The following RIPOR2 variants were observed in gnomAD, a reference collection of about 807,000 sequenced individuals.
RIPOR2 encodes the protein rho family-interacting cell polarization regulator 2.
A neutral mutation model predicts 114.5 loss-of-function variants in RIPOR2; 39 were observed. The observed-to-expected ratio is 0.34, with a 90% CI of 0.26 to 0.44. The LOEUF is 0.44. Among genes scored for constraint, RIPOR2 ranks in the 20% least tolerant of loss-of-function variants. RIPOR2 has a pLI of 1.00. For synonymous variants in RIPOR2, 445 were observed against 484.4 expected, an observed-to-expected ratio of 0.92 and a Z score of 1.07; for missense variants, 1,007 against 1,255.1, an observed-to-expected ratio of 0.80 and a Z score of 2.99.
chr6:24,920,345 T>C (rs750990228), intron 1 of RIPOR2, among the ~76,000 whole-genome samples: 3 of 152,222 alleles, frequency 2.0e-5, no homozygotes, highest in Non-Finnish European at 4.4e-5. Context: ...CAGGAGAGCA[T>C]GTGAAGATAA....
intron 1 of RIPOR2, among the ~76,000 whole-genome samples, chr6:25,040,373 C>T (rs1422877228): frequency 6.6e-6 from 1 of 152,078 alleles, no homozygotes; most frequent in Non-Finnish European, 1.5e-5. Flanking sequence ...AACTCGGCCT[C>T]CCAAAGTGTT....
chr6:25,005,186 T>A (rs574154035), intron 1 of RIPOR2, among the ~76,000 whole-genome samples: 2 of 152,330 alleles, frequency 1.3e-5, no homozygotes, highest in East Asian at 3.9e-4. Context: ...TGGCTACTCC[T>A]GCAGTAACAC....
intron 1 of RIPOR2, among the ~76,000 whole-genome samples, chr6:24,876,734 C>A (rs999309774): frequency 6.6e-6 from 1 of 152,028 alleles, no homozygotes; most frequent in Non-Finnish European, 1.5e-5. Context: ...CAAGGGCGGT[C>A]GGGGGGAAGG....
intron 1 of RIPOR2, chr6:25,015,895 GGTTTTTTTTTTTTT>G (rs1775960889): frequency 6.1e-5 from 1 of 16,450 alleles, no homozygotes; most frequent in African/African-American, 2.0e-4. Flanking sequence ...CAGGTTTTTT[GGTTTTTTTTTTTTT>G]TTTTTTTTTT....
intron 1 of RIPOR2, among the ~76,000 whole-genome samples, chr6:25,001,652 G>C (rs1775326326): frequency 6.9e-6 from 1 of 145,826 alleles, no homozygotes; most frequent in Non-Finnish European, 1.5e-5. Flanking sequence ...AAAAATCACG[G>C]AGTAAATATT....
chr6:24,896,501 C>A (rs924571376), intron 1 of RIPOR2, among the ~76,000 whole-genome samples: 1 of 152,180 alleles, frequency 6.6e-6, no homozygotes, highest in Non-Finnish European at 1.5e-5. Flanking sequence ...CCTGGGCTGT[C>A]ATTTTTAACT....
intron 1 of RIPOR2, among the ~76,000 whole-genome samples, chr6:24,998,929 G>C (rs1265922716): frequency 1.3e-5 from 2 of 151,810 alleles, no homozygotes; most frequent in African/African-American, 2.4e-5. Context: ...CAAACTATAG[G>C]AACATTTTTG....
intron 1 of RIPOR2, among the ~76,000 whole-genome samples, chr6:24,892,252 T>C (rs947899174): frequency 6.6e-6 from 1 of 152,144 alleles, no homozygotes; most frequent in Non-Finnish European, 1.5e-5. Context: ...TTTTAAATCT[T>C]GTTTGTACCC....
chr6:24,860,706 T>C (rs758872087), intron 8 of RIPOR2, among the ~76,000 whole-genome samples: 10 of 152,224 alleles, frequency 6.6e-5, no homozygotes, highest in South Asian at 2.1e-4. Flanking sequence ...TGCTAATTAT[T>C]ACATCTAGGT....
At chr6:24,912,230 C>G (rs1190317235) in intron 1 of RIPOR2, among the ~76,000 whole-genome samples, 1 of 152,172 alleles carries the variant, frequency 6.6e-6, no homozygotes, top group Non-Finnish European at 1.5e-5. Flanking sequence ...TAAGCTGTCC[C>G]CAGCACAGAG....
chr6:24,955,374 A>G (rs1196137722), intron 1 of RIPOR2, among the ~76,000 whole-genome samples: 1 of 152,180 alleles, frequency 6.6e-6, no homozygotes, highest in African/African-American at 2.4e-5. Context: ...TCCATATCCT[A>G]GACCGGGGCA....
intron 1 of RIPOR2, among the ~76,000 whole-genome samples, chr6:24,935,055 C>T (rs1771666849): frequency 6.6e-6 from 1 of 152,110 alleles, no homozygotes; most frequent in Non-Finnish European, 1.5e-5. Flanking sequence ...CGCCTGTAAT[C>T]CCAGCACTTT....
chr6:24,961,734 C>A (rs1473861845), intron 1 of RIPOR2, among the ~76,000 whole-genome samples: 1 of 151,800 alleles, frequency 6.6e-6, no homozygotes, highest in Non-Finnish European at 1.5e-5. Flanking sequence ...AAGTGATGCT[C>A]CTACCTCAGC....
At chr6:24,894,589 T>C (rs1767673112) in intron 1 of RIPOR2, among the ~76,000 whole-genome samples, 1 of 152,192 alleles carries the variant, frequency 6.6e-6, no homozygotes, top group South Asian at 2.1e-4. Context: ...ACAAACATCA[T>C]CAATCAGTAC....
intron 1 of RIPOR2, among the ~76,000 whole-genome samples, chr6:24,967,877 T>C (rs1429467626): frequency 1.3e-5 from 2 of 150,718 alleles, no homozygotes; most frequent in East Asian, 1.9e-4. Context: ...CCTGAGACCA[T>C]GGACCACCTG....
intron 1 of RIPOR2, among the ~76,000 whole-genome samples, chr6:24,886,740 T>C (rs564027859): frequency 6.6e-6 from 1 of 152,350 alleles, no homozygotes; most frequent in South Asian, 2.1e-4. Context: ...TTAACTTTGA[T>C]CAGTTGGTTA....
At chr6:24,840,225 T>C (rs1581548107) in intron 13 of RIPOR2, 1 of 1,001,036 alleles carries the variant, frequency 1.0e-6, no homozygotes, top group Admixed American at 5.7e-5. Flanking sequence ...ATTACAGGCA[T>C]GAGCCACCGC....
chr6:24,891,820 G>C (rs1000909735), intron 1 of RIPOR2, among the ~76,000 whole-genome samples: 3 of 152,104 alleles, frequency 2.0e-5, no homozygotes, highest in Non-Finnish European at 4.4e-5. Context: ...ATGGTCCTTA[G>C]CCAATTTACC....
chr6:25,005,011 A>G (rs995656632), intron 1 of RIPOR2, among the ~76,000 whole-genome samples: 2 of 150,436 alleles, frequency 1.3e-5, no homozygotes, highest in African/African-American at 4.8e-5. Context: ...ACACACACAC[A>G]CACACACACA....
Sources: gnomAD v4.1 joint callset for allele counts (sites outside exome capture counted in the v4.1 genomes callset) on GRCh38, gnomAD v4.1.1 for gene constraint, MANE v1.5 for transcripts, NCBI Gene and HGNC (gene_info 2026-07-23, HGNC 2026-07-21) for gene names.